SLC35E3: variants seen among roughly 807,000 people sequenced by gnomAD.
The protein encoded by SLC35E3 is bladder cancer-overexpressed gene 1 protein.
A neutral mutation model predicts 30.8 loss-of-function variants in SLC35E3; 28 were observed. The ratio of observed to expected loss-of-function variants is 0.91; its 90% CI spans 0.67 to 1.25. The LOEUF is 1.25. Ranked by LOEUF, SLC35E3 falls within the 50% of genes most tolerant of loss-of-function variation. The probability of loss-of-function intolerance (pLI) is 0.00; values close to 1 mark genes in which losing one functional copy is unlikely to be tolerated. For synonymous variants in SLC35E3, 146 were observed against 149.2 expected, an observed-to-expected ratio of 0.98 and a Z score of 0.16; for missense variants, 365 against 375.4, an observed-to-expected ratio of 0.97 and a Z score of 0.23.
intron 4 of SLC35E3, among the ~76,000 whole-genome samples, chr12:68,760,712 A>G (rs563175578): frequency 1.3e-5 from 2 of 152,228 alleles, no homozygotes; most frequent in Non-Finnish European, 2.9e-5. Context: ...TCATTGATAT[A>G]AAAATATTTA....
rs1879797937 is a variant in SLC35E3 at position 68,778,337 on chromosome 12, A to AG, written c.*13450dup. 6.6e-6 allele frequency: 1 copy of AG among 152,244 alleles called. No homozygotes were observed. Among genetic ancestry groups the AG allele is most frequent in the Non-Finnish European group, 1.5e-5 (1 of 68,054 alleles). The allele number at this position is 152,244 out of a possible 1,614,324, so 9.4% of individuals were successfully genotyped here. On this transcript the variant is annotated 3_prime_UTR_variant, in exon 5 of 5. Transcript: ENST00000398004. ...TAATAGAGGTGATAGAGCAGGCAGC[A>AG]GGGAAGTTAGTAACCTTGTCTAATA...
rs1451128289 is a variant in SLC35E3, at chr12:68,770,005, A to G, written c.*5115A>G. ...GAACATCGTTCTGTGAGCACATAAC[A>G]AAAGAATCTGGCCCAGGCTTGGCAC... On this transcript the variant is annotated 3_prime_UTR_variant, in exon 5 of 5. Transcript: ENST00000398004. 3 of 152,370 alleles carry G rather than the reference A, an allele frequency of 2.0e-5. No homozygotes were observed. The highest frequency in any genetic ancestry group is 4.4e-5 in the Non-Finnish European group (3 of 68,040). The allele number at this position is 152,370 out of a possible 1,614,324, so 9.4% of individuals were successfully genotyped here. A position where few individuals can be genotyped will look rare whatever the true frequency, so the allele number is the denominator to read the frequency against.
At chr12:68,751,296 T>TCTTG (rs1198967490) in intron 2 of SLC35E3, among the ~76,000 whole-genome samples, 89 of 111,312 alleles carry the variant, frequency 8.0e-4, no homozygotes, top group Non-Finnish European at 1.4e-3. Context: ...CCAACCTCTG[T>TCTTG]CTTTGTTTTT....
At position 68,779,735 on chromosome 12, in the gene SLC35E3, T is replaced by A. The variant is rs1879834695; in HGVS notation, c.*14845T>A. The A allele has an allele frequency of 6.6e-6, 1 of 152,074 alleles. No homozygotes were observed. The highest frequency in any genetic ancestry group is 2.4e-5 in the African/African-American group (1 of 41,400). The allele number at this position is 152,074 out of a possible 1,614,324, so 9.4% of individuals were successfully genotyped here. On this transcript the variant is annotated 3_prime_UTR_variant, in exon 5 of 5. Coordinates refer to ENST00000398004, the MANE Select transcript of SLC35E3 (RefSeq NM_018656.5). ...AGGAGGTGCACTTGAGGCCAGGAGT[T>A]CAAGACCTGAGCAACACAGCAAGAC...
intron 3 of SLC35E3, among the ~76,000 whole-genome samples, chr12:68,755,129 G>A (rs781501240): frequency 6.6e-6 from 1 of 152,082 alleles, no homozygotes; most frequent in Non-Finnish European, 1.5e-5. Context: ...AAGCTCTCTT[G>A]TATCTCTTCT....
chr12:68,759,942 A>AAC, intron 4 of SLC35E3: 2 of 152,374 alleles, frequency 1.3e-5, no homozygotes. Flanking sequence ...TTAACAAATA[A>AAC]CAAAAGATAA....
At position 68,766,070 on chromosome 12, in the gene SLC35E3, C is replaced by T. The variant is rs936359741; in HGVS notation, c.*1180C>T. The stretch of plus-strand genomic sequence containing the variant: ...AATAAAGATGACTGTAAGACAAAAT[C>T]CAATTCTAAAAGTATGATTTTTTTC... On this transcript the variant is annotated 3_prime_UTR_variant, in exon 5 of 5. Coordinates refer to ENST00000398004, the MANE Select transcript of SLC35E3 (RefSeq NM_018656.5). 7 of 151,238 alleles carry T rather than the reference C, an allele frequency of 4.6e-5. No homozygotes were observed. Among genetic ancestry groups the T allele is most frequent in the African/African-American group, 1.7e-4 (7 of 41,142 alleles). 9.4% of individuals were successfully genotyped at this position (151,238 alleles called of 1,614,324 possible). A position where few individuals can be genotyped will look rare whatever the true frequency, so the allele number is the denominator to read the frequency against.
At chr12:68,747,428 C>A (rs1327926921) in intron 1 of SLC35E3, among the ~76,000 whole-genome samples, 3 of 152,126 alleles carry the variant, frequency 2.0e-5, no homozygotes, top group Non-Finnish European at 4.4e-5. Flanking sequence ...CGCCACCACG[C>A]CCGGCTAATT....
intron 2 of SLC35E3, among the ~76,000 whole-genome samples, chr12:68,751,611 A>T (rs1377791917): frequency 1.3e-5 from 2 of 151,944 alleles, no homozygotes; most frequent in Admixed American, 6.6e-5. Context: ...TCCATTTTTT[A>T]AATTTTGCCA....
intron 3 of SLC35E3, among the ~76,000 whole-genome samples, chr12:68,754,322 C>T (rs1295446763): frequency 6.6e-6 from 1 of 152,114 alleles, no homozygotes; most frequent in Non-Finnish European, 1.5e-5. Flanking sequence ...CTCACTCTGT[C>T]ACCCAGGCTA....
rs34635694 is a variant in SLC35E3, at chr12:68,780,481, CTTTTTTTTTTTTT to C, written c.*15601_*15613del. On this transcript the variant is annotated 3_prime_UTR_variant, in exon 5 of 5. Transcript: ENST00000398004. Reference sequence around the variant, plus strand: ...AGCCGTCCTGCCTGGCCTAGTCACACTTTTTTTTTTTTTTTTTTTTTTGGAGACAGAGTTTCAC... The same window carrying C: ...AGCCGTCCTGCCTGGCCTAGTCACACTTTTTTTTTGGAGACAGAGTTTCAC... 2 of 109,632 alleles carry C rather than the reference CTTTTTTTTTTTTT, an allele frequency of 1.8e-5. No individual in the cohort carries two copies. Among genetic ancestry groups the C allele is most frequent in the East Asian group, 5.2e-4 (2 of 3,876 alleles). The allele number at this position is 109,632 out of a possible 1,614,324, so 6.8% of individuals were successfully genotyped here.
rs1019459415 is a variant in SLC35E3 at position 68,780,819 on chromosome 12, C to T, written c.*15929C>T. ...TTTTAGTCAAGATTTTTAAAAATGTCTGCATGCTTTTCTGAGAGCCTTACC... is the reference window on the plus strand; with the variant it reads ...TTTTAGTCAAGATTTTTAAAAATGTTTGCATGCTTTTCTGAGAGCCTTACC... On this transcript the variant is annotated 3_prime_UTR_variant, in exon 5 of 5. Transcript: ENST00000398004. 3 of 152,132 alleles carry T rather than the reference C, an allele frequency of 2.0e-5. No individual in the cohort carries two copies. Among genetic ancestry groups the T allele is most frequent in the Non-Finnish European group, 4.4e-5 (3 of 68,030 alleles). 9.4% of individuals were successfully genotyped at this position (152,132 alleles called of 1,614,324 possible).
In SLC35E3 at chr12:68,779,028, C is replaced by T. The variant is rs1277769773; in HGVS notation, c.*14138C>T. 6.6e-6 allele frequency: 1 copy of T among 152,330 alleles called. No individual in the cohort carries two copies. Among genetic ancestry groups the T allele is most frequent in the Admixed American group, 6.5e-5 (1 of 15,268 alleles). The allele number at this position is 152,330 out of a possible 1,614,324, so 9.4% of individuals were successfully genotyped here. On this transcript the variant is annotated 3_prime_UTR_variant, in exon 5 of 5. Transcript: ENST00000398004. ...GCTGAGGCAGGAGAATTGCTTGAAC[C>T]CAGGAGGTGGAGGTTGCAATGAGCC...
rs1249744960 is a variant in SLC35E3, at chr12:68,766,591, A to T, written c.*1701A>T. On this transcript the variant is annotated 3_prime_UTR_variant, in exon 5 of 5. Transcript: ENST00000398004. The stretch of plus-strand genomic sequence containing the variant: ...CTGTTTGAGCATTTTATATTGGTAA[A>T]TTTTTTATTTTCTTATTTTTTGTCT... 2 of 228,090 alleles carry T rather than the reference A, an allele frequency of 8.8e-6. No individual in the cohort carries two copies. Among genetic ancestry groups the T allele is most frequent in the East Asian group, 2.9e-4 (2 of 7,006 alleles). The allele number at this position is 228,090 out of a possible 1,614,324, so 14.1% of individuals were successfully genotyped here.
At chr12:68,763,073 C>CA (rs1879277822) in intron 4 of SLC35E3, among the ~76,000 whole-genome samples, 1 of 152,218 alleles carries the variant, frequency 6.6e-6, no homozygotes, top group Non-Finnish European at 1.5e-5. Flanking sequence ...GAGAATGTGT[C>CA]AAGCACCAAG....
intron 3 of SLC35E3, among the ~76,000 whole-genome samples, chr12:68,754,569 A>T (rs1878932372): frequency 6.6e-6 from 1 of 152,010 alleles, no homozygotes; most frequent in South Asian, 2.1e-4. Flanking sequence ...TACAGGCGTG[A>T]GCCGCCGCGC....
At chr12:68,752,701 T>A (rs1453339188) in intron 3 of SLC35E3, among the ~76,000 whole-genome samples, 3 of 152,024 alleles carry the variant, frequency 2.0e-5, no homozygotes, top group Admixed American at 2.0e-4. Flanking sequence ...GAAGACCTCA[T>A]CTCTACAAAA....
rs1489112160 is a variant in SLC35E3 at position 68,772,449 on chromosome 12, T to C, written c.*7559T>C. On this transcript the variant is annotated 3_prime_UTR_variant, in exon 5 of 5. Transcript: ENST00000398004. Reference sequence around the variant, plus strand: ...TTAATGTAATCATATTACTTTCTTATATTAGAAGATAGGATTTCTTCTGAT... The same window carrying C: ...TTAATGTAATCATATTACTTTCTTACATTAGAAGATAGGATTTCTTCTGAT... The C allele has an allele frequency of 6.6e-6, 1 of 152,220 alleles. No homozygotes were observed. Among genetic ancestry groups the C allele is most frequent in the Non-Finnish European group, 1.5e-5 (1 of 68,034 alleles). The allele number at this position is 152,220 out of a possible 1,614,324, so 9.4% of individuals were successfully genotyped here. A position where few individuals can be genotyped will look rare whatever the true frequency, so the allele number is the denominator to read the frequency against.
chr12:68,747,753 G>A (rs574605761), intron 1 of SLC35E3, among the ~76,000 whole-genome samples, 177 bp from the exon 2 acceptor site: 20 of 152,254 alleles, frequency 1.3e-4, no homozygotes, highest in African/African-American at 4.6e-4. Context: ...CATATTTCAC[G>A]TTTAGGAAAT....
Sources: allele counts gnomAD v4.1 joint callset (sites outside exome capture counted in the v4.1 genomes callset), GRCh38; gene constraint gnomAD v4.1.1; transcripts MANE v1.5; gene names NCBI Gene and HGNC (gene_info 2026-07-23, HGNC 2026-07-21).